LHPP: variants seen among roughly 807,000 people sequenced by gnomAD.
LHPP encodes the protein hLHPP.
Under a neutral mutation model 30.3 loss-of-function variants are expected in LHPP, and 24 were observed. That is an observed-to-expected ratio of 0.79 (90% CI 0.57 to 1.11). The LOEUF (loss-of-function observed/expected upper bound fraction) is 1.11, where lower values mean the gene tolerates loss of function less well. LHPP is among the 50% of genes most tolerant of loss of function. The pLI is 0.00. For synonymous variants in LHPP, 150 were observed against 157.1 expected (o/e 0.95, Z 0.34); for missense variants, 356 against 367.2 (o/e 0.97, Z 0.25).
intron 6 of LHPP, among the ~76,000 whole-genome samples, chr10:124,543,577 G>C (rs980443602): frequency 7.0e-6 from 1 of 143,352 alleles, no homozygotes; most frequent in South Asian, 2.2e-4. Context: ...GCCACTAGCC[G>C]TGAGGAGTTC....
intron 6 of LHPP, among the ~76,000 whole-genome samples, chr10:124,559,424 C>T (rs1948355378): frequency 6.6e-6 from 1 of 152,254 alleles, no homozygotes; most frequent in Non-Finnish European, 1.5e-5. Flanking sequence ...ATCTCAGCTA[C>T]ACCTACGGAC....
At chr10:124,542,798 C>T (rs1446432509) in intron 6 of LHPP, among the ~76,000 whole-genome samples, 2 of 152,326 alleles carry the variant, frequency 1.3e-5, no homozygotes, top group Admixed American at 6.5e-5. Flanking sequence ...TCTGCCCTCT[C>T]GCCTCCCCTC....
intron 1 of LHPP, among the ~76,000 whole-genome samples, chr10:124,481,217 C>T (rs912756949): frequency 4.0e-5 from 6 of 151,666 alleles, no homozygotes; most frequent in Non-Finnish European, 8.8e-5. Context: ...CAAAAACTGA[C>T]AGAGACAGGG....
intron 3 of LHPP, chr10:124,490,530 TA>T: frequency 1.1e-5 from 4 of 349,888 alleles, no homozygotes; most frequent in African/African-American, 2.2e-5. Context: ...ACTCCCTCCT[TA>T]AAAAGGAGTT....
In LHPP at chr10:124,590,483, C is replaced by A. The variant is rs907719112; in HGVS notation, c.717-22781C>A. 6.6e-6 allele frequency among the ~76,000 whole-genome samples: 1 copy of A among 152,172 alleles called. No homozygotes were observed. The highest frequency in any genetic ancestry group is 2.4e-5 in the African/African-American group (1 of 41,434). On this transcript the variant is annotated intron_variant, in intron 6 of 6. Transcript: ENST00000368842. This position sits in a 1 kb window ranked among gnomAD's most constrained non-coding sequence, Gnocchi z 4.3. ...CAACTCCAGGCTACCCCGAGAAAGC[C>A]GCTGTGTGACCCCATTAGGGGACTT...
intron 3 of LHPP, 58 bp downstream of exon 3, chr10:124,488,633 T>A: frequency 6.7e-7 from 1 of 1,497,974 alleles, no homozygotes; most frequent in Non-Finnish European, 9.0e-7. Context: ...TGTGCCAGTC[T>A]CCAACTTGCG....
intron 6 of LHPP, among the ~76,000 whole-genome samples, chr10:124,570,717 C>T (rs1339271894): frequency 3.9e-5 from 6 of 152,286 alleles, no homozygotes; most frequent in East Asian, 3.9e-4. Flanking sequence ...TGGAATCAGA[C>T]GATACATGGT....
intron 6 of LHPP, among the ~76,000 whole-genome samples, chr10:124,537,731 G>A (rs1467630699): frequency 6.6e-6 from 1 of 152,242 alleles, no homozygotes; most frequent in African/African-American, 2.4e-5. Flanking sequence ...TCCTGCTCCT[G>A]TGGGCCCCAC....
chr10:124,594,957 A>G (rs1246687978), intron 6 of LHPP, among the ~76,000 whole-genome samples: 1 of 152,168 alleles, frequency 6.6e-6, no homozygotes, highest in Non-Finnish European at 1.5e-5. Context: ...GTCTTCTGCC[A>G]TGATTGTGAG....
At chr10:124,575,414 G>T (rs557730835) in intron 6 of LHPP, among the ~76,000 whole-genome samples, 1 of 152,094 alleles carries the variant, frequency 6.6e-6, no homozygotes, top group African/African-American at 2.4e-5. Context: ...TCCCTAATAC[G>T]CCATTTACTT....
chr10:124,522,318 A>G (rs1285513418), intron 6 of LHPP, among the ~76,000 whole-genome samples: 1 of 152,116 alleles, frequency 6.6e-6, no homozygotes. Flanking sequence ...CGCATTGGAC[A>G]TGGCTGCTCC....
At chr10:124,526,041 C>A in intron 6 of LHPP, 1 of 331,264 alleles carries the variant, frequency 3.0e-6, no homozygotes, top group Non-Finnish European at 4.3e-6. Flanking sequence ...CTCCCAACCC[C>A]AGGAATTTGC....
rs757060434 is a variant in LHPP, at chr10:124,590,049, AT to A, written c.717-23214del. The stretch of plus-strand genomic sequence containing the variant: ...CCGCCCCCCGCCCTTAGAAAAATAA[AT>A]GCGTGATTGACTGGCTTTGCAGGTT... On this transcript the variant is annotated intron_variant, in intron 6 of 6. Coordinates refer to ENST00000368842, the MANE Select transcript of LHPP (RefSeq NM_022126.4). The surrounding 1 kb of genome is among the most constrained non-coding windows in gnomAD (Gnocchi z 4.3). Among the ~76,000 whole-genome samples the A allele has an allele frequency of 9.2e-5, 14 of 152,318 alleles. No individual in the cohort carries two copies. Among genetic ancestry groups the A allele is most frequent in the Non-Finnish European group, 1.8e-4 (12 of 68,034 alleles).
intron 1 of LHPP, among the ~76,000 whole-genome samples, chr10:124,465,927 A>C (rs1416620710): frequency 6.6e-6 from 1 of 152,244 alleles, no homozygotes; most frequent in Non-Finnish European, 1.5e-5. Context: ...AATTGGCCAA[A>C]ATCCAAAAGT....
chr10:124,472,906 C>T (rs187083935), intron 1 of LHPP, among the ~76,000 whole-genome samples: 36 of 152,244 alleles, frequency 2.4e-4, no homozygotes, highest in African/African-American at 7.7e-4. Context: ...CAACCACCCC[C>T]GTATATCTGG....
At chr10:124,544,246 G>C (rs192375388) in intron 6 of LHPP, among the ~76,000 whole-genome samples, 73 of 152,356 alleles carry the variant, frequency 4.8e-4, no homozygotes, top group African/African-American at 1.7e-3. Flanking sequence ...GTCATGCTGG[G>C]TCCCCCCATC....
At chr10:124,569,709 G>A (rs1359215786) in intron 6 of LHPP, among the ~76,000 whole-genome samples, 1 of 152,164 alleles carries the variant, frequency 6.6e-6, no homozygotes, top group East Asian at 1.9e-4. Flanking sequence ...CATCACAGAT[G>A]CCATGAAGGC....
At chr10:124,553,726 C>T (rs183596059) in intron 6 of LHPP, among the ~76,000 whole-genome samples, 1,618 of 152,178 alleles carry the variant, frequency 0.011, 20 homozygotes, top group African/African-American at 0.038. Flanking sequence ...CCCAAAGTGC[C>T]GGGATTACAG....
At chr10:124,551,740 G>A (rs1476947799) in intron 6 of LHPP, among the ~76,000 whole-genome samples, 3 of 152,122 alleles carry the variant, frequency 2.0e-5, no homozygotes, top group Non-Finnish European at 4.4e-5. Context: ...ACCCACAGCT[G>A]GGAGGGCAGT....
Sources: gnomAD v4.1 joint callset for allele counts (sites outside exome capture counted in the v4.1 genomes callset) on GRCh38, gnomAD v4.1.1 for gene constraint, Gnocchi (gnomAD v3.1) non-coding constraint, MANE v1.5 for transcripts, NCBI Gene and HGNC (gene_info 2026-07-23, HGNC 2026-07-21) for gene names.